Variants in RPS6KC1 observed in about 807,000 individuals in gnomAD.
RPS6KC1 encodes the protein inactive ribosomal protein S6 kinase delta-1.
Under a neutral mutation model 103.8 loss-of-function variants are expected in RPS6KC1, and 54 were observed. That is an observed-to-expected ratio of 0.52 (90% CI 0.42 to 0.65). RPS6KC1 has a LOEUF of 0.65. Ranked by LOEUF, RPS6KC1 falls within the 30% of genes least tolerant of loss-of-function variation. RPS6KC1 has a pLI of 0.00. For synonymous variants in RPS6KC1, 439 were observed against 438.7 expected (o/e 1.00, Z -0.01); for missense variants, 1,151 against 1,253.8 (o/e 0.92, Z 1.24).
At chr1:213,839,201 A>G in the RPS6KC1 span, among the ~76,000 whole-genome samples, 3 of 152,180 alleles carry the variant, frequency 2.0e-5, no homozygotes, top group Non-Finnish European at 4.4e-5. Context: ...GGAGAAGGTA[A>G]AACCAGAGAA....
At chr1:213,143,682 CATTTT>C (rs1295730200) in intron 6 of RPS6KC1, among the ~76,000 whole-genome samples, 1 of 152,066 alleles carries the variant, frequency 6.6e-6, no homozygotes, top group African/African-American at 2.4e-5. Flanking sequence ...TTTTAAATCT[CATTTT>C]ATTAGTTTTC....
the RPS6KC1 span, among the ~76,000 whole-genome samples, chr1:213,519,477 CT>C: frequency 6.6e-6 from 1 of 152,114 alleles, no homozygotes; most frequent in African/African-American, 2.4e-5. Context: ...GTAGATGTTG[CT>C]TCATAGATCT....
At chr1:213,541,473 C>G in the RPS6KC1 span, among the ~76,000 whole-genome samples, 1 of 151,900 alleles carries the variant, frequency 6.6e-6, no homozygotes, top group African/African-American at 2.4e-5. Context: ...TTTGTTAAAA[C>G]AAACGCAAAC....
chr1:213,633,202 A>G, the RPS6KC1 span, among the ~76,000 whole-genome samples: 1 of 152,220 alleles, frequency 6.6e-6, no homozygotes, highest in African/African-American at 2.4e-5. Context: ...AGAGAACACC[A>G]CAAAGATACT....
chr1:213,548,378 G>A, the RPS6KC1 span, among the ~76,000 whole-genome samples: 1 of 152,204 alleles, frequency 6.6e-6, no homozygotes, highest in Non-Finnish European at 1.5e-5. Flanking sequence ...ATAAAGAAAA[G>A]CAGGCTGGGA....
the RPS6KC1 span, among the ~76,000 whole-genome samples, chr1:213,750,442 A>G: frequency 6.6e-6 from 1 of 152,242 alleles, no homozygotes; most frequent in African/African-American, 2.4e-5. Flanking sequence ...AGGAGGCTAC[A>G]GTTTAATACA....
the RPS6KC1 span, among the ~76,000 whole-genome samples, chr1:213,300,744 A>G: frequency 1.3e-5 from 2 of 152,162 alleles, no homozygotes; most frequent in African/African-American, 2.4e-5. Context: ...TCTCCTTAGG[A>G]TATATAAACC....
At chr1:213,807,365 T>C in the RPS6KC1 span, among the ~76,000 whole-genome samples, 15 of 152,370 alleles carry the variant, frequency 9.8e-5, no homozygotes, top group South Asian at 2.9e-3. Context: ...GATAATATCC[T>C]GCAGAGTGTT....
At chr1:213,218,349 C>T (rs2093726918) in intron 8 of RPS6KC1, among the ~76,000 whole-genome samples, 1 of 151,970 alleles carries the variant, frequency 6.6e-6, no homozygotes, top group South Asian at 2.1e-4. Context: ...AACTACAAAC[C>T]ACTGCTCAAT....
intron 3 of RPS6KC1, among the ~76,000 whole-genome samples, chr1:213,079,099 T>C (rs1408738622): frequency 6.6e-6 from 1 of 152,222 alleles, no homozygotes; most frequent in African/African-American, 2.4e-5. Flanking sequence ...TATGACAGTA[T>C]ATTATGATTG....
the RPS6KC1 span, among the ~76,000 whole-genome samples, chr1:213,384,163 C>G: frequency 6.6e-6 from 1 of 151,940 alleles, no homozygotes; most frequent in African/African-American, 2.4e-5. Context: ...GTAGTCCCAG[C>G]TACTAGGGAG....
intron 8 of RPS6KC1, among the ~76,000 whole-genome samples, chr1:213,224,422 G>A (rs1253394622): frequency 6.6e-6 from 1 of 152,112 alleles, no homozygotes; most frequent in African/African-American, 2.4e-5. Flanking sequence ...TATGGGCAAA[G>A]ATGAAGTAAT....
At chr1:213,223,205 C>A (rs2093876809) in intron 8 of RPS6KC1, among the ~76,000 whole-genome samples, 1 of 152,030 alleles carries the variant, frequency 6.6e-6, no homozygotes, top group Non-Finnish European at 1.5e-5. Context: ...GTCCTGTAGT[C>A]TTTTTGTTTC....
At chr1:213,798,237 CA>C in the RPS6KC1 span, among the ~76,000 whole-genome samples, 8 of 152,320 alleles carry the variant, frequency 5.3e-5, no homozygotes, top group South Asian at 8.3e-4. Context: ...CCGTTAACTT[CA>C]AAAGGTGACC....
At chr1:213,698,920 T>C in the RPS6KC1 span, among the ~76,000 whole-genome samples, 1 of 152,094 alleles carries the variant, frequency 6.6e-6, no homozygotes, top group African/African-American at 2.4e-5. Context: ...TTTTTAATTT[T>C]TGTGGGTACA....
chr1:213,407,249 CAGAGAG>C, the RPS6KC1 span, among the ~76,000 whole-genome samples: 1 of 149,980 alleles, frequency 6.7e-6, no homozygotes, highest in African/African-American at 2.4e-5. Flanking sequence ...CACACACACG[CAGAGAG>C]AGAGAGAGTG....
At chr1:213,403,350 C>T in the RPS6KC1 span, among the ~76,000 whole-genome samples, 20 of 152,064 alleles carry the variant, frequency 1.3e-4, no homozygotes, top group Middle Eastern at 3.4e-3. Context: ...GCTCTCTCCC[C>T]GAGGGGTGCC....
the RPS6KC1 span, among the ~76,000 whole-genome samples, chr1:213,710,044 C>G: frequency 4.5e-4 from 69 of 152,204 alleles, 1 homozygote; most frequent in South Asian, 0.014. Context: ...TGTGCTTGGT[C>G]CAGAACTGAG....
intron 8 of RPS6KC1, among the ~76,000 whole-genome samples, chr1:213,192,737 T>G (rs542168936): frequency 1.3e-5 from 2 of 152,142 alleles, no homozygotes; most frequent in Non-Finnish European, 2.9e-5. Flanking sequence ...TTCTTTTCTT[T>G]TAATTATGGG....
Sources: allele counts gnomAD v4.1 joint callset (sites outside exome capture counted in the v4.1 genomes callset), GRCh38; gene constraint gnomAD v4.1.1; transcripts MANE v1.5; gene names NCBI Gene and HGNC (gene_info 2026-07-23, HGNC 2026-07-21).